The following SH3BGR variants were observed in gnomAD, a reference collection of about 807,000 sequenced individuals.
SH3BGR encodes SH3 domain binding glutamate rich protein, also known as SH3 domain-binding glutamic acid-rich protein.
Under a neutral mutation model 24.5 loss-of-function variants are expected in SH3BGR, and 29 were observed. That is an observed-to-expected ratio of 1.18 (90% confidence interval 0.88 to 1.61). SH3BGR has a LOEUF of 1.61. Among genes scored for constraint, SH3BGR ranks in the 40% most tolerant of loss-of-function variants. The probability of loss-of-function intolerance (pLI) is 0.00; values close to 1 mark genes in which losing one functional copy is unlikely to be tolerated. For missense variants in SH3BGR, 162 were observed against 205.8 expected (o/e 0.79, Z 1.30); for synonymous variants, 55 against 65.7 (o/e 0.84, Z 0.79).
At chr21:39,459,885 A>G (rs2077726436) in intron 1 of SH3BGR, among the ~76,000 whole-genome samples, 1 of 152,162 alleles carries the variant, frequency 6.6e-6, no homozygotes, top group Non-Finnish European at 1.5e-5. Flanking sequence ...CACTTTTTGT[A>G]AGTTTCTCCC....
chr21:39,469,481 A>G (rs908752442), intron 2 of SH3BGR, among the ~76,000 whole-genome samples: 6 of 148,970 alleles, frequency 4.0e-5, no homozygotes, highest in Non-Finnish European at 7.4e-5. Flanking sequence ...CCTTCTATAC[A>G]CTTTTTTTTC....
At chr21:39,474,252 C>CA (rs1316938738) in intron 2 of SH3BGR, among the ~76,000 whole-genome samples, 1 of 152,152 alleles carries the variant, frequency 6.6e-6, no homozygotes, top group Non-Finnish European at 1.5e-5. Flanking sequence ...AGGCATGAGC[C>CA]ACCACGCCTG....
At chr21:39,496,495 A>G (rs2078398809) in intron 3 of SH3BGR, among the ~76,000 whole-genome samples, 3 of 131,996 alleles carry the variant, frequency 2.3e-5, no homozygotes, top group South Asian at 5.1e-4. Flanking sequence ...CGACAGAGCG[A>G]GACTCCGTCT....
At chr21:39,500,740 G>T (rs1216410276) in intron 4 of SH3BGR, among the ~76,000 whole-genome samples, 1 of 152,106 alleles carries the variant, frequency 6.6e-6, no homozygotes, top group Admixed American at 6.5e-5. Flanking sequence ...TTTATTCTGG[G>T]AGAGGTGTGG....
chr21:39,487,281 C>A (rs779145971), intron 3 of SH3BGR, among the ~76,000 whole-genome samples: 1 of 151,844 alleles, frequency 6.6e-6, no homozygotes, highest in African/African-American at 2.4e-5. Flanking sequence ...TAACTGGGAC[C>A]GCAGATATGC....
chr21:39,506,407 C>T (rs2078583727), intron 4 of SH3BGR, among the ~76,000 whole-genome samples: 1 of 152,112 alleles, frequency 6.6e-6, no homozygotes, highest in African/African-American at 2.4e-5. Context: ...GCCAGATGGC[C>T]TTTTCACTGT....
At chr21:39,453,844 A>AT (rs1215789934) in intron 1 of SH3BGR, among the ~76,000 whole-genome samples, 5 of 152,200 alleles carry the variant, frequency 3.3e-5, no homozygotes, top group Non-Finnish European at 7.3e-5. Flanking sequence ...GGTGCCCCGC[A>AT]TGGTGTCAAG....
rs1270686662 is a variant in SH3BGR at position 39,511,527 on chromosome 21, T to G, written c.436-153T>G. On this transcript the variant is annotated intron_variant, in intron 5 of 6. Coordinates refer to ENST00000333634, the MANE Select transcript of SH3BGR (RefSeq NM_007341.3). This position sits in a 1 kb window ranked among gnomAD's most constrained non-coding sequence, Gnocchi z 4.2. Reference sequence around the variant, plus strand: ...GCATGTGTTTGTGTGGCATGTGTGGTGTGTGTATTTGTGTGTTGTGTGTGT... The same window carrying G: ...GCATGTGTTTGTGTGGCATGTGTGGGGTGTGTATTTGTGTGTTGTGTGTGT... Among the ~76,000 whole-genome samples the G allele has an allele frequency of 1.3e-5, 2 of 151,202 alleles. No individual in the cohort carries two copies. Among genetic ancestry groups the G allele is most frequent in the Admixed American group, 6.6e-5 (1 of 15,138 alleles).
intron 3 of SH3BGR, among the ~76,000 whole-genome samples, chr21:39,497,162 T>C (rs982992706): frequency 6.6e-6 from 1 of 150,674 alleles, no homozygotes; most frequent in African/African-American, 2.4e-5. Context: ...TATATGTTTA[T>C]ATAAAATATT....
At position 39,451,997 on chromosome 21, in the gene SH3BGR, C is replaced by A; in HGVS notation, c.-100C>A. The A allele has an allele frequency of 6.2e-7, 1 of 1,614,114 alleles. No individual in the cohort carries two copies. Among genetic ancestry groups the A allele is most frequent in the Non-Finnish European group, 8.5e-7 (1 of 1,179,996 alleles). On this transcript the variant is annotated 5_prime_UTR_variant, in exon 1 of 7. Coordinates refer to ENST00000333634, the MANE Select transcript of SH3BGR (RefSeq NM_007341.3). ...TGGACCCCTGGGCTGCTGCCAGCCC[C>A]GACCTGGCACTTGCTTGCCTGTGTC... is the stretch of plus-strand genomic sequence containing the variant.
intron 2 of SH3BGR, among the ~76,000 whole-genome samples, chr21:39,470,451 A>AG (rs2077919923): frequency 6.6e-6 from 1 of 151,788 alleles, no homozygotes; most frequent in Admixed American, 6.6e-5. Flanking sequence ...TAGTAGAGAT[A>AG]GGGGTTCACC....
At chr21:39,457,120 TATA>T in intron 1 of SH3BGR, among the ~76,000 whole-genome samples, 1 of 147,278 alleles carries the variant, frequency 6.8e-6, no homozygotes, top group South Asian at 2.1e-4. Flanking sequence ...ATATACCATA[TATA>T]ATCAAATCAC....
chr21:39,473,928 C>T (rs951303754), intron 2 of SH3BGR, among the ~76,000 whole-genome samples: 1 of 151,376 alleles, frequency 6.6e-6, no homozygotes, highest in Non-Finnish European at 1.5e-5. Context: ...ATACATAATA[C>T]TTTTTTCTCA....
At chr21:39,479,864 C>G (rs369208041) in intron 3 of SH3BGR, among the ~76,000 whole-genome samples, 177 of 114,262 alleles carry the variant, frequency 1.5e-3, no homozygotes, top group African/African-American at 4.3e-3. Flanking sequence ...TTTCCGTAGA[C>G]ATTTTTTTTT....
intron 2 of SH3BGR, among the ~76,000 whole-genome samples, chr21:39,465,570 A>G (rs2077827920): frequency 6.6e-6 from 1 of 152,122 alleles, no homozygotes; most frequent in Non-Finnish European, 1.5e-5. Context: ...CAGAGTTCAC[A>G]GTATAGCTGC....
At chr21:39,513,868 T>C (rs1194198823) in intron 6 of SH3BGR, among the ~76,000 whole-genome samples, 1 of 152,140 alleles carries the variant, frequency 6.6e-6, no homozygotes, top group Non-Finnish European at 1.5e-5. Flanking sequence ...TCTTTAAAAA[T>C]TGTGCAGTTT....
chr21:39,479,328 T>C (rs1406204531), intron 3 of SH3BGR, among the ~76,000 whole-genome samples: 1 of 137,322 alleles, frequency 7.3e-6, no homozygotes, highest in African/African-American at 2.9e-5. Flanking sequence ...GGTGGTGGAG[T>C]GGTAGAGGTG....
rs1004775869 is a variant in SH3BGR at position 39,470,262 on chromosome 21, C to CT, written c.232-4860dup. ...TCAGTAACCTTACTTTTGTCCCAAACTTTTTTTTTTTTTAAAGCCAGAGTC... is the reference window on the plus strand; with the variant it reads ...TCAGTAACCTTACTTTTGTCCCAAACTTTTTTTTTTTTTTAAAGCCAGAGTC... On this transcript the variant is annotated intron_variant, in intron 2 of 6. Coordinates refer to ENST00000333634, the MANE Select transcript of SH3BGR (RefSeq NM_007341.3). Among the ~76,000 whole-genome samples the CT allele has an allele frequency of 5.3e-3, 767 of 144,918 alleles. 5 individuals are homozygous for CT. Among genetic ancestry groups the CT allele is most frequent in the African/African-American group, 0.017 (682 of 39,718 alleles).
intron 3 of SH3BGR, among the ~76,000 whole-genome samples, chr21:39,481,990 A>T (rs1035784251): frequency 6.6e-6 from 1 of 152,170 alleles, no homozygotes; most frequent in African/African-American, 2.4e-5. Flanking sequence ...TCTTTATAAT[A>T]AAGAGATCTA....
Sources: allele counts gnomAD v4.1 joint callset (sites outside exome capture counted in the v4.1 genomes callset), GRCh38; gene constraint gnomAD v4.1.1; non-coding constraint Gnocchi (gnomAD v3.1); transcripts MANE v1.5; gene names NCBI Gene and HGNC (gene_info 2026-07-23, HGNC 2026-07-21).